ZNF823: variants seen among roughly 807,000 people sequenced by gnomAD.
ZNF823 encodes ZFP 36 for a zinc finger protein.
Under a neutral mutation model 11.4 loss-of-function variants are expected in ZNF823, and 5 were observed. The observed-to-expected ratio is 0.44, with a 90% CI of 0.23 to 0.92. The LOEUF (loss-of-function observed/expected upper bound fraction) is 0.92, where lower values mean the gene tolerates loss of function less well. Ranked by LOEUF, ZNF823 falls within the 40% of genes least tolerant of loss-of-function variation. ZNF823 has a pLI of 0.24. For missense variants in ZNF823, 582 were observed against 738.5 expected (o/e 0.79, Z 2.46); for synonymous variants, 234 against 250.5 (o/e 0.93, Z 0.62).
chr19:11,738,381 T>A (rs978270663), intron 1 of ZNF823, among the ~76,000 whole-genome samples: 1 of 152,232 alleles, frequency 6.6e-6, no homozygotes, highest in Non-Finnish European at 1.5e-5. Flanking sequence ...CAGCCGTCCC[T>A]GTCCACACCT....
intron 1 of ZNF823, among the ~76,000 whole-genome samples, chr19:11,737,421 C>T (rs1269977701): frequency 4.6e-5 from 7 of 151,980 alleles, no homozygotes; most frequent in African/African-American, 1.7e-4. Flanking sequence ...GAGCCACCAC[C>T]CCGGCTAATT....
chr19:11,736,614 C>T (rs1442083149), intron 1 of ZNF823, among the ~76,000 whole-genome samples: 3 of 152,218 alleles, frequency 2.0e-5, no homozygotes, highest in South Asian at 2.1e-4. Context: ...TCTCTTTGAA[C>T]ATACTTTATC....
chr19:11,724,285 A>C, intron 2 of ZNF823, 31 bp from the exon 3 acceptor site: 1 of 1,572,074 alleles, frequency 6.4e-7, no homozygotes, highest in Non-Finnish European at 8.6e-7. Context: ...AATCACTAAA[A>C]ATGTTTACAA....
intron 1 of ZNF823, chr19:11,725,900 G>T (rs1323387380): frequency 1.3e-5 from 2 of 152,728 alleles, no homozygotes; most frequent in African/African-American, 4.8e-5. Context: ...TTTAGGACCA[G>T]CATGGGCAAC....
Position 11,722,875 on chromosome 19 carries a change from T to A in ZNF823, c.659A>T (p.Tyr220Phe). 1 of 1,614,234 alleles carries A rather than the reference T, an allele frequency of 6.2e-7. No homozygotes were observed. The highest frequency in any genetic ancestry group is 1.7e-5 in the Admixed American group (1 of 60,022). Residue 220 changes from tyrosine to phenylalanine, a missense_variant, in exon 4 of 4, where the codon TAT (tyrosine) becomes TTT (phenylalanine). Around this residue, in one of 3 missense-constraint regions of ZNF823, gnomAD observed 429 missense variants for 553.7 expected, o/e 0.77. Transcript: ENST00000341191. This position sits in a 1 kb window ranked among gnomAD's most constrained non-coding sequence, Gnocchi z 5.2. Reference sequence around the variant, plus strand: ...GGCTTTAGAACACTGCTTACATTCATACGGTTTCTCTCCAGTGTGTGTTCT... The same window carrying A: ...GGCTTTAGAACACTGCTTACATTCAAACGGTTTCTCTCCAGTGTGTGTTCT... ...HERTHTGEKP[Y>F]ECKQCSKAFP...
rs199516132 is a variant in ZNF823 at position 11,722,502 on chromosome 19, A to G, written c.1032T>C (p.Pro344=). Residue 344 remains proline, a synonymous_variant, in exon 4 of 4, where the codon CCT becomes CCC. Coordinates refer to ENST00000341191, the MANE Select transcript of ZNF823 (RefSeq NM_001080493.4). This position sits in a 1 kb window ranked among gnomAD's most constrained non-coding sequence, Gnocchi z 5.2. ...CKICGKGFDC[P]SSVRNHETTH... ...TAGTTTCATGATTTCGAACTGAACT[A>G]GGACAATCAAAGCCTTTCCCACATA... is the stretch of plus-strand genomic sequence containing the variant. The G allele has an allele frequency of 6.2e-7, 1 of 1,613,848 alleles. No individual in the cohort carries two copies. Among genetic ancestry groups the G allele is most frequent in the Non-Finnish European group, 8.5e-7 (1 of 1,179,958 alleles).
intron 1 of ZNF823, among the ~76,000 whole-genome samples, chr19:11,728,611 T>C (rs1266459963): frequency 6.6e-6 from 1 of 152,202 alleles, no homozygotes; most frequent in Non-Finnish European, 1.5e-5. Context: ...TAGTTATAAA[T>C]GGTATACTAC....
At chr19:11,729,958 C>T (rs1335406510) in intron 1 of ZNF823, among the ~76,000 whole-genome samples, 2 of 145,220 alleles carry the variant, frequency 1.4e-5, no homozygotes, top group Non-Finnish European at 3.0e-5. Flanking sequence ...GACGGAGTTT[C>T]GCACTTGTTG....
intron 1 of ZNF823, among the ~76,000 whole-genome samples, chr19:11,738,274 G>A (rs1350842189): frequency 6.6e-6 from 1 of 152,174 alleles, no homozygotes; most frequent in Non-Finnish European, 1.5e-5. Context: ...CCAGGCTGAA[G>A]ACCCCACAAG....
chr19:11,733,100 C>T (rs749335136), intron 1 of ZNF823, among the ~76,000 whole-genome samples: 30 of 152,028 alleles, frequency 2.0e-4, no homozygotes, highest in Non-Finnish European at 4.0e-4. Flanking sequence ...CGGGTGCAGC[C>T]GCTCACGCCT....
Position 11,722,670 on chromosome 19 carries a change from G to A in ZNF823, c.864C>T (p.Tyr288=), listed in dbSNP as rs1385907653. 1.2e-6 allele frequency: 2 copies of A among 1,614,060 alleles called. No homozygotes were observed. Among genetic ancestry groups the A allele is most frequent in the Non-Finnish European group, 1.7e-6 (2 of 1,179,968 alleles). ...CTQCGKAFSC[Y]YYTRLHERTH... is the part of the protein sequence containing the mutation. ...TCCTTTCATGTAGTCGAGTGTAATA[G>A]TAACAGCTGAAGGCTTTCCCACATT... Residue 288 remains tyrosine (Y), a synonymous_variant, in exon 4 of 4, where the codon TAC becomes TAT. Transcript: ENST00000341191. This position sits in a 1 kb window ranked among gnomAD's most constrained non-coding sequence, Gnocchi z 5.2.
chr19:11,736,166 T>C (rs6511747), intron 1 of ZNF823, among the ~76,000 whole-genome samples: 12,717 of 152,158 alleles, frequency 0.084, 1,137 homozygotes, highest in African/African-American at 0.23. Context: ...GAAAAGTTTT[T>C]CCCAATTTCT....
In ZNF823 at chr19:11,721,719, G is replaced by A. The variant is rs1326681545; in HGVS notation, c.1815C>T (p.His605=). Residue 605 remains histidine (H), a synonymous_variant, in exon 4 of 4, where the codon CAC becomes CAT. Transcript: ENST00000341191. ...LRSLHRHKRT[H]WKDTL is the part of the protein sequence containing the mutation. ...CATACATTTAGAGAGTATCTTTCCA[G>A]TGAGTCCTTTTATGTCTATGCAAGG... The A allele has an allele frequency of 1.2e-6, 2 of 1,610,664 alleles. No individual in the cohort carries two copies. The highest frequency in any genetic ancestry group is 2.7e-5 in the African/African-American group (2 of 74,724).
rs184715108 is a variant in ZNF823, at chr19:11,726,338, C to T, written c.4-1011G>A. On this transcript the variant is annotated intron_variant, in intron 1 of 3. Transcript: ENST00000341191. ...TTTTTTTAACTTAACTCCTATTCCC[C>T]CTCTGAGAGTTTGGAAGTTTGTTAC... is the stretch of plus-strand genomic sequence containing the variant. Among the ~76,000 whole-genome samples, 55 of 127,332 alleles carry T rather than the reference C, an allele frequency of 4.3e-4. No individual in the cohort carries two copies. The Admixed American group carries it at 4.6e-3, about 11-fold the overall frequency. The allele number at this position is 127,332 out of a possible 152,430, so 83.5% of individuals were successfully genotyped here.
Position 11,722,911 on chromosome 19 carries a change from T to C in ZNF823, c.623A>G (p.His208Arg). ...TCCAGTGTGTGTTCTTTCGTGCAAA[T>C]GAAATAAACTGGGCCAAACAAAGGC... ...GKAFVWPSLFHLHERTHTGEK... is the reference protein window; with the variant it reads ...GKAFVWPSLFRLHERTHTGEK... Residue 208 changes from histidine (H) to arginine (R), a missense_variant, in exon 4 of 4, where the codon CAT becomes CGT. By Grantham distance (29) the His-to-Arg change is conservative. This residue lies in a region of ZNF823 where 429 missense variants were observed against 553.7 expected (regional missense o/e 0.77). Transcript: ENST00000341191. This position sits in a 1 kb window ranked among gnomAD's most constrained non-coding sequence, Gnocchi z 5.2. 6.2e-7 allele frequency: 1 copy of C among 1,614,158 alleles called. No homozygotes were observed. The highest frequency in any genetic ancestry group is 8.5e-7 in the Non-Finnish European group (1 of 1,180,016).
Position 11,721,437 on chromosome 19 carries a change from C to A in ZNF823, c.*264G>T. On this transcript the variant is annotated 3_prime_UTR_variant, in exon 4 of 4. Transcript: ENST00000341191. ...TTACAATGCATGAGGTATTAAAAGT[C>A]ATCTAGAGATGATTTACACAGTATA... The A allele has an allele frequency of 2.8e-6, 1 of 360,760 alleles. No individual in the cohort carries two copies. Among genetic ancestry groups the A allele is most frequent in the East Asian group, 4.9e-5 (1 of 20,498 alleles). 22.3% of individuals were successfully genotyped at this position (360,760 alleles called of 1,614,324 possible).
In ZNF823 at chr19:11,722,701, C is replaced by T. The variant is rs1360077621; in HGVS notation, c.833G>A (p.Cys278Tyr). 4 of 1,613,992 alleles carry T rather than the reference C, an allele frequency of 2.5e-6. No individual in the cohort carries two copies. Among genetic ancestry groups the T allele is most frequent in the Non-Finnish European group, 3.4e-6 (4 of 1,180,040 alleles). ...GCTGAAGGCTTTCCCACATTGTGTA[C>T]ATTTATAGGGTTTCTCTCCGGTGTG... ...RTHTGEKPYK[C>Y]TQCGKAFSCY... The change falls in exon 4 of 4, where the codon TGT becomes TAT. Residue 278 changes from cysteine (C) to tyrosine (Y), a missense_variant. Around this residue, in one of 3 missense-constraint regions of ZNF823, gnomAD observed 429 missense variants for 553.7 expected, o/e 0.77. Coordinates refer to ENST00000341191, the MANE Select transcript of ZNF823 (RefSeq NM_001080493.4). The surrounding 1 kb of genome is among the most constrained non-coding windows in gnomAD (Gnocchi z 5.2).
rs776497391 is a variant in ZNF823, at chr19:11,721,841, T to C, written c.1693A>G (p.Thr565Ala). 1.2e-6 allele frequency: 2 copies of C among 1,613,434 alleles called. No homozygotes were observed. Among genetic ancestry groups the C allele is most frequent in the Admixed American group, 3.3e-5 (2 of 59,932 alleles). Residue 565 changes from threonine (T) to alanine (A), a missense_variant, in exon 4 of 4, where the codon ACT (threonine) becomes GCT (alanine). Thr to Ala is a moderately conservative substitution (Grantham distance 58). Around this residue, in one of 3 missense-constraint regions of ZNF823, gnomAD observed 144 missense variants for 154.3 expected, o/e 0.93. Coordinates refer to ENST00000341191, the MANE Select transcript of ZNF823 (RefSeq NM_001080493.4). ...YECLQCGKAFTRSRFLRGHEK... is the reference protein window; with the variant it reads ...YECLQCGKAFARSRFLRGHEK... ...TGTCCTCGAAGGAAACGGGAACGAG[T>C]GAAGGCTTTACCACATTGTAGACAT...
intron 1 of ZNF823, among the ~76,000 whole-genome samples, chr19:11,726,841 C>G (rs9917001): frequency 0.085 from 12,867 of 152,204 alleles, 1,182 homozygotes; most frequent in African/African-American, 0.23. Context: ...TCACTACTGA[C>G]GGACCCTAGT....
Sources: allele counts gnomAD v4.1 joint callset (sites outside exome capture counted in the v4.1 genomes callset), GRCh38; gene constraint gnomAD v4.1.1; regional missense constraint gnomAD v4.1.1; non-coding constraint Gnocchi (gnomAD v3.1); transcripts MANE v1.5; gene names NCBI Gene and HGNC (gene_info 2026-07-23, HGNC 2026-07-21).